TNR: variants seen among roughly 807,000 people sequenced by gnomAD.
The protein encoded by TNR is tenascin-R.
A neutral mutation model predicts 150.4 loss-of-function variants in TNR; 45 were observed. That is an observed-to-expected ratio of 0.30 (90% confidence interval 0.24 to 0.38). The LOEUF is 0.38. TNR is among the 10% of genes least tolerant of loss of function. TNR has a pLI of 1.00. For synonymous variants in TNR, 687 were observed against 678.4 expected (o/e 1.01, Z -0.20); for missense variants, 1,544 against 1,759.1 (o/e 0.88, Z 2.19).
intron 8 of TNR, among the ~76,000 whole-genome samples, chr1:175,383,670 C>T (rs116098677): frequency 6.6e-6 from 1 of 152,210 alleles, no homozygotes; most frequent in African/African-American, 2.4e-5. Context: ...CTCCTAGTGT[C>T]GGAGCCATCA....
intron 1 of TNR, among the ~76,000 whole-genome samples, chr1:175,564,272 C>A (rs974579387): frequency 3.9e-5 from 6 of 152,062 alleles, no homozygotes; most frequent in Non-Finnish European, 7.4e-5. Context: ...TCTCTCTGAC[C>A]ACCCCAAGCA....
At chr1:175,683,790 G>A (rs1443889789) in intron 1 of TNR, among the ~76,000 whole-genome samples, 2 of 152,218 alleles carry the variant, frequency 1.3e-5, no homozygotes, top group African/African-American at 4.8e-5. Context: ...TTCCAACAGT[G>A]ATTAATTTAG....
At chr1:175,587,747 T>G (rs1345276723) in intron 1 of TNR, among the ~76,000 whole-genome samples, 1 of 152,196 alleles carries the variant, frequency 6.6e-6, no homozygotes, top group African/African-American at 2.4e-5. Flanking sequence ...GAAAACAATA[T>G]TTCTTTCAAA....
intron 9 of TNR, among the ~76,000 whole-genome samples, chr1:175,372,775 G>A (rs748983613): frequency 3.3e-5 from 5 of 152,160 alleles, no homozygotes; most frequent in Non-Finnish European, 7.3e-5. Flanking sequence ...AAGTGGACAT[G>A]AGGAAATATG....
chr1:175,469,731 G>A (rs867791927), intron 2 of TNR, among the ~76,000 whole-genome samples: 6 of 152,038 alleles, frequency 3.9e-5, no homozygotes, highest in South Asian at 4.2e-4. Flanking sequence ...TGGGAAGTGA[G>A]ATCTCTCTAC....
chr1:175,651,750 G>A lies in TNR; in HGVS notation c.-165+91476C>T, dbSNP rs111730796. On this transcript the variant is annotated intron_variant, in intron 1 of 22. Transcript: ENST00000367674. ...AATATTATTGTGAGCCTAAAACTGCGTAAGGACAGTGCAAGAAGAACAAAA... is the reference window on the plus strand; with the variant it reads ...AATATTATTGTGAGCCTAAAACTGCATAAGGACAGTGCAAGAAGAACAAAA... Among the ~76,000 whole-genome samples the A allele has an allele frequency of 4.1e-3, 619 of 151,930 alleles. 7 individuals are homozygous for A. Among genetic ancestry groups the A allele is most frequent in the African/African-American group, 0.014 (588 of 41,522 alleles).
At chr1:175,720,090 C>A (rs1450180909) in intron 1 of TNR, among the ~76,000 whole-genome samples, 1 of 152,156 alleles carries the variant, frequency 6.6e-6, no homozygotes, top group Non-Finnish European at 1.5e-5. Flanking sequence ...TGGATGTGTC[C>A]CCAAAACTCA....
At chr1:175,495,201 T>C (rs1658434810) in intron 2 of TNR, among the ~76,000 whole-genome samples, 1 of 152,178 alleles carries the variant, frequency 6.6e-6, no homozygotes, top group Non-Finnish European at 1.5e-5. Flanking sequence ...GTGCAGAAGA[T>C]AGACAGATAC....
At chr1:175,696,015 C>T (rs1005507) in intron 1 of TNR, among the ~76,000 whole-genome samples, 92,048 of 151,364 alleles carry the variant, frequency 0.61, 28,795 homozygotes, top group East Asian at 0.95. Context: ...GATGGATGGA[C>T]AGATAGATTA....
Position 175,403,543 on chromosome 1 carries a change from G to C in TNR, c.573C>G (p.Asn191Lys), listed in dbSNP as rs561992940. 6.2e-7 allele frequency: 1 copy of C among 1,614,070 alleles called. No homozygotes were observed. Among genetic ancestry groups the C allele is most frequent in the Non-Finnish European group, 8.5e-7 (1 of 1,180,058 alleles). The change falls in exon 4 of 23, where the codon AAC becomes AAG. Residue 191 changes from asparagine to lysine, a missense_variant. Physicochemically the swap from Asn to Lys is moderately conservative, Grantham distance 94. Transcript: ENST00000367674. ...AGCAATTCTTGCCAAACCAGCCTTC[G>C]TTGCAGATGCAGCCACAGGACTCAA... ...FSFESCGCIC[N>K]EGWFGKNCSE...
intron 2 of TNR, among the ~76,000 whole-genome samples, chr1:175,453,792 C>T (rs376865376): frequency 1.3e-5 from 2 of 152,108 alleles, no homozygotes; most frequent in Admixed American, 6.5e-5. Context: ...AGTCTGGTCT[C>T]GAATTCCTGG....
chr1:175,710,537 G>T lies in TNR; in HGVS notation c.-165+32689C>A, dbSNP rs532228597. On this transcript the variant is annotated intron_variant, in intron 1 of 22. Coordinates refer to ENST00000367674, the MANE Select transcript of TNR (RefSeq NM_003285.3). ...GAATGGCTGAGATCACCTTGGGAGA[G>T]AGTGCAGAGTGCCAAGTGAAGAGGC... 2.7e-4 allele frequency among the ~76,000 whole-genome samples: 41 copies of T among 152,262 alleles called. No individual in the cohort carries two copies. The South Asian group carries it at 7.9e-3, about 29-fold the overall frequency.
Position 175,691,153 on chromosome 1 carries a change from C to T in TNR, c.-165+52073G>A, listed in dbSNP as rs191902492. Among the ~76,000 whole-genome samples the T allele has an allele frequency of 2.8e-3, 255 of 89,964 alleles. 1 individual carries two copies. Among genetic ancestry groups the T allele is most frequent in the African/African-American group, 9.2e-3 (240 of 26,056 alleles). The allele number at this position is 89,964 out of a possible 152,430, so 59.0% of individuals were successfully genotyped here. A position where few individuals can be genotyped will look rare whatever the true frequency, so the allele number is the denominator to read the frequency against. ...ATGCAGCTGAGAAGGGTGTCCAGTC[C>T]TATCCACACCTTAACACCCAGCAGC... On this transcript the variant is annotated intron_variant, in intron 1 of 22. Coordinates refer to ENST00000367674, the MANE Select transcript of TNR (RefSeq NM_003285.3).
chr1:175,631,948 A>T (rs1296723094), intron 1 of TNR, among the ~76,000 whole-genome samples: 1 of 152,234 alleles, frequency 6.6e-6, no homozygotes, highest in Non-Finnish European at 1.5e-5. Context: ...GTTTAGAAAA[A>T]CCAGGAGGCA....
At chr1:175,363,937 C>T (rs763170153) in intron 12 of TNR, 110 bp from the exon 13 acceptor site, 145 of 1,355,976 alleles carry the variant, frequency 1.1e-4, no homozygotes, top group Middle Eastern at 5.7e-4. Context: ...CAAAGGCAGA[C>T]AAGATCTTTC....
intron 1 of TNR, chr1:175,539,294 A>C (rs1660408510): frequency 6.6e-6 from 1 of 152,274 alleles, no homozygotes; most frequent in Non-Finnish European, 1.5e-5. Context: ...ACAATAATAG[A>C]AAATGGCTAC....
intron 1 of TNR, among the ~76,000 whole-genome samples, chr1:175,727,641 T>C (rs184677973): frequency 2.0e-5 from 3 of 152,178 alleles, no homozygotes; most frequent in Admixed American, 2.0e-4. Context: ...AGGATTCAAG[T>C]GGTGATAATT....
At chr1:175,511,787 C>T (rs1310649951) in intron 2 of TNR, among the ~76,000 whole-genome samples, 5 of 152,194 alleles carry the variant, frequency 3.3e-5, no homozygotes, top group African/African-American at 4.8e-5. Flanking sequence ...TCCCCTGACC[C>T]GTAGTGAGGT....
intron 1 of TNR, among the ~76,000 whole-genome samples, chr1:175,659,789 C>CT (rs1220836911): frequency 1.3e-5 from 2 of 152,030 alleles, no homozygotes; most frequent in East Asian, 3.9e-4. Flanking sequence ...AGCCTCACTG[C>CT]TGCAGGATCA....
Sources: gnomAD v4.1 joint callset for allele counts (sites outside exome capture counted in the v4.1 genomes callset) on GRCh38, gnomAD v4.1.1 for gene constraint, MANE v1.5 for transcripts, NCBI Gene and HGNC (gene_info 2026-07-23, HGNC 2026-07-21) for gene names.